Variants in DLC1 observed in about 807,000 individuals in gnomAD.
DLC1 encodes the protein DLC1 Rho GTPase activating protein, also known as rho GTPase-activating protein 7.
In DLC1, 54 loss-of-function variants were observed where a neutral mutation model predicts 140.3. The ratio of observed to expected loss-of-function variants is 0.38; its 90% CI spans 0.31 to 0.48. The LOEUF (loss-of-function observed/expected upper bound fraction) is 0.48, where lower values mean the gene tolerates loss of function less well. Ranked by LOEUF, DLC1 falls within the 20% of genes least tolerant of loss-of-function variation. The pLI, the probability that DLC1 is intolerant of heterozygous loss-of-function variation, is 0.96. For synonymous variants in DLC1, 986 were observed against 728.1 expected (o/e 1.35, Z -5.70); for missense variants, 2,536 against 1,907.0 (o/e 1.33, Z -6.14).
chr8:13,248,372 C>T (rs908913597), intron 5 of DLC1, among the ~76,000 whole-genome samples: 9 of 150,982 alleles, frequency 6.0e-5, no homozygotes, highest in African/African-American at 2.2e-4. Context: ...AGGTTAGTTG[C>T]AGGAAGAAAG....
intron 4 of DLC1, among the ~76,000 whole-genome samples, chr8:13,338,006 T>G (rs1174340950): frequency 1.3e-5 from 2 of 152,222 alleles, no homozygotes; most frequent in African/African-American, 2.4e-5. Context: ...TCAGTGTTCC[T>G]AGCCAGATAG....
At position 13,099,755 on chromosome 8, in the gene DLC1, T is replaced by G; in HGVS notation, c.2582A>C (p.Lys861Thr). The G allele has an allele frequency of 6.2e-7, 1 of 1,614,162 alleles. No individual in the cohort carries two copies. The stretch of plus-strand genomic sequence containing the variant: ...GGAAGAATTGCGTCTCTTCAGTTCC[T>G]TGGGGCTGTCGCTACTGTTTTCCCT... Reference protein sequence around the residue: ...LRRENSSDSPKELKRRNSSSS... With the variant: ...LRRENSSDSPTELKRRNSSSS... The change falls in exon 9 of 18, where the codon AAG becomes ACG. Residue 861 changes from lysine (K) to threonine (T), a missense_variant. Coordinates refer to ENST00000276297, the MANE Select transcript of DLC1 (RefSeq NM_182643.3).
intron 5 of DLC1, among the ~76,000 whole-genome samples, chr8:13,191,614 G>T (rs1364655234): frequency 6.6e-6 from 1 of 152,170 alleles, no homozygotes; most frequent in Non-Finnish European, 1.5e-5. Flanking sequence ...ATCATGGGAG[G>T]CTTCCCCATA....
intron 1 of DLC1, among the ~76,000 whole-genome samples, chr8:13,580,566 C>T (rs1805060750): frequency 6.6e-6 from 1 of 152,140 alleles, no homozygotes; most frequent in South Asian, 2.1e-4. Context: ...TCACTGTGCC[C>T]ATCCCTGAAG....
At chr8:13,485,978 C>T (rs1800952127) in intron 2 of DLC1, among the ~76,000 whole-genome samples, 3 of 152,202 alleles carry the variant, frequency 2.0e-5, no homozygotes, top group Admixed American at 6.5e-5. Flanking sequence ...CCTTTATCCT[C>T]TGCCCTCTTG....
At chr8:13,340,108 C>CT (rs1195916279) in intron 4 of DLC1, 1 of 142,768 alleles carries the variant, frequency 7.0e-6, no homozygotes, top group Non-Finnish European at 1.6e-5. Flanking sequence ...GAAGGAGGTC[C>CT]TGGGGAGGAG....
At chr8:13,506,594 TATATATATATATATACAC>T (rs1239391170) in intron 1 of DLC1, among the ~76,000 whole-genome samples, 2 of 131,662 alleles carry the variant, frequency 1.5e-5, no homozygotes, top group Non-Finnish European at 3.1e-5. Context: ...TATATATATA[TATATATATATATATACAC>T]ATATATATAC....
At chr8:13,568,058 C>A in intron 1 of DLC1, 5 of 1,240,044 alleles carry the variant, frequency 4.0e-6, no homozygotes, top group Non-Finnish European at 5.5e-6. Flanking sequence ...GATTTGAGGA[C>A]TAAGAACTTT....
chr8:13,242,768 T>C (rs1164589730), intron 5 of DLC1, among the ~76,000 whole-genome samples: 2 of 152,130 alleles, frequency 1.3e-5, no homozygotes, highest in Non-Finnish European at 2.9e-5. Context: ...TCAATGTGTG[T>C]GTAAATCAGA....
chr8:13,316,437 A>G (rs1832863302), intron 4 of DLC1, among the ~76,000 whole-genome samples: 1 of 152,080 alleles, frequency 6.6e-6, no homozygotes, highest in South Asian at 2.1e-4. Context: ...TTTTGCAATA[A>G]TGGTAATTAA....
chr8:13,541,410 C>G (rs964690942), intron 1 of DLC1, among the ~76,000 whole-genome samples: 8 of 152,114 alleles, frequency 5.3e-5, no homozygotes, highest in Non-Finnish European at 7.4e-5. Flanking sequence ...TTTTTCATAC[C>G]CAGCAACAAC....
At position 13,281,271 on chromosome 8, in the gene DLC1, A is replaced by G. The variant is rs117796749; in HGVS notation, c.1348+23998T>C. On this transcript the variant is annotated intron_variant, in intron 5 of 17. Coordinates refer to ENST00000276297, the MANE Select transcript of DLC1 (RefSeq NM_182643.3). ...CCTAAGGATCCACTGAATTTGGGTGAGAATCTTCTTTGTGATAAACTCTAT... is the reference window on the plus strand; with the variant it reads ...CCTAAGGATCCACTGAATTTGGGTGGGAATCTTCTTTGTGATAAACTCTAT... Among the ~76,000 whole-genome samples the G allele has an allele frequency of 9.5e-3, 1,450 of 152,346 alleles. 16 individuals are homozygous for G. The highest frequency in any genetic ancestry group is 0.016 in the Non-Finnish European group (1,057 of 68,034).
intron 5 of DLC1, among the ~76,000 whole-genome samples, chr8:13,198,827 C>T (rs1302406646): frequency 6.6e-6 from 1 of 151,834 alleles, no homozygotes; most frequent in Non-Finnish European, 1.5e-5. Context: ...AGCGATTCTC[C>T]TGCCTCAGCC....
Position 13,393,585 on chromosome 8 carries a change from C to T in DLC1, c.1282G>A (p.Val428Ile). 5 of 1,614,016 alleles carry T rather than the reference C, an allele frequency of 3.1e-6. No individual in the cohort carries two copies. Among genetic ancestry groups the T allele is most frequent in the Non-Finnish European group, 4.2e-6 (5 of 1,180,010 alleles). Reference sequence around the variant, plus strand: ...TTGGGTTTGGTTCCAGAATTGGCTACTGGAGTGGAAGATGGGAGGTCCGTG... The same window carrying T: ...TTGGGTTTGGTTCCAGAATTGGCTATTGGAGTGGAAGATGGGAGGTCCGTG... The part of the protein sequence containing the change: ...ESTDLPSSTP[V>I]ANSGTKPKTT... Residue 428 changes from valine to isoleucine, a missense_variant, in exon 4 of 18, where the codon GTA (valine) becomes ATA (isoleucine). Physicochemically the swap from Val to Ile is conservative, Grantham distance 29 (BLOSUM62 3). Coordinates refer to ENST00000276297, the MANE Select transcript of DLC1 (RefSeq NM_182643.3).
chr8:13,317,053 A>C (rs1027152534), intron 4 of DLC1, among the ~76,000 whole-genome samples: 56 of 152,152 alleles, frequency 3.7e-4, no homozygotes, highest in African/African-American at 1.3e-3. Flanking sequence ...CTTACAAATC[A>C]TTTATGTACG....
At chr8:13,486,199 A>G (rs1563388949) in intron 2 of DLC1, among the ~76,000 whole-genome samples, 1 of 152,236 alleles carries the variant, frequency 6.6e-6, no homozygotes, top group Non-Finnish European at 1.5e-5. Context: ...CTTAGGAAAA[A>G]GCAAATTTTT....
At chr8:13,272,970 G>A (rs562419396) in intron 5 of DLC1, among the ~76,000 whole-genome samples, 47 of 152,146 alleles carry the variant, frequency 3.1e-4, no homozygotes, top group African/African-American at 1.1e-3. Flanking sequence ...ATTCATTCAC[G>A]GTATACTAGT....
intron 5 of DLC1, among the ~76,000 whole-genome samples, chr8:13,117,768 T>G (rs555142271): frequency 6.6e-6 from 1 of 152,304 alleles, no homozygotes; most frequent in South Asian, 2.1e-4. Flanking sequence ...CGGCAGTAGG[T>G]GAGCCCACAT....
intron 14 of DLC1, 134 bp from the exon 15 acceptor site, chr8:13,090,604 G>T: frequency 3.1e-6 from 3 of 982,200 alleles, no homozygotes; most frequent in South Asian, 3.3e-5. Context: ...GCCGGAGGTG[G>T]GCTATCATGC....
Sources: allele counts gnomAD v4.1 joint callset (sites outside exome capture counted in the v4.1 genomes callset), GRCh38; gene constraint gnomAD v4.1.1; transcripts MANE v1.5; gene names NCBI Gene and HGNC (gene_info 2026-07-23, HGNC 2026-07-21).